Variants in PCDHA7 observed in about 807,000 individuals in gnomAD.
PCDHA7 encodes protocadherin alpha-7.
A neutral mutation model predicts 57.2 loss-of-function variants in PCDHA7; 37 were observed. That is an observed-to-expected ratio of 0.65 (90% confidence interval 0.50 to 0.85). The LOEUF (loss-of-function observed/expected upper bound fraction) is 0.85, where lower values mean the gene tolerates loss of function less well. Ranked by LOEUF, PCDHA7 falls within the 40% of genes least tolerant of loss-of-function variation. The pLI is 0.00. For missense variants in PCDHA7, 1,188 were observed against 1,241.8 expected (o/e 0.96, Z 0.65); for synonymous variants, 553 against 558.8 (o/e 0.99, Z 0.15).
intron 3 of PCDHA7, among the ~76,000 whole-genome samples, chr5:140,994,582 G>A (rs1179279862): frequency 6.6e-6 from 1 of 152,062 alleles, no homozygotes; most frequent in Non-Finnish European, 1.5e-5. Context: ...GCATGCACTT[G>A]TAGTCTCAGC....
rs1275632045 is a variant in PCDHA7 at position 140,835,862 on chromosome 5, G to C, written c.1479G>C (p.Ser493=). The change falls in exon 1 of 4, where the codon TCG becomes TCC. Residue 493 remains serine, a synonymous_variant. Coordinates refer to ENST00000525929, the MANE Select transcript of PCDHA7 (RefSeq NM_018910.3). ...DAQKNALVSY[S]LVELRVGERA... is the part of the protein sequence containing the mutation. ...AGAAGAACGCGCTGGTGTCCTACTC[G>C]CTGGTGGAGCTGCGGGTGGGCGAGC... The C allele has an allele frequency of 1.9e-6, 3 of 1,611,998 alleles. No individual in the cohort carries two copies. The highest frequency in any genetic ancestry group is 4.5e-5 in the East Asian group (2 of 44,840).
In PCDHA7 at chr5:140,855,851, G is replaced by A. The variant is rs971470534; in HGVS notation, c.2355+19113G>A. On this transcript the variant is annotated intron_variant, in intron 1 of 3. Transcript: ENST00000525929. Reference sequence around the variant, plus strand: ...AATCGTACTTACACCTAAAGCCACCGGATGTCGCTGTCGTCCACAAAATAG... The same window carrying A: ...AATCGTACTTACACCTAAAGCCACCAGATGTCGCTGTCGTCCACAAAATAG... 16 of 668,440 alleles carry A rather than the reference G, an allele frequency of 2.4e-5. No homozygotes were observed. The East Asian group carries it at 3.9e-4, about 16-fold the overall frequency. The allele number at this position is 668,440 out of a possible 1,614,324, so 41.4% of individuals were successfully genotyped here.
rs782277287 is a variant in PCDHA7 at position 140,929,397 on chromosome 5, T to C, written c.2356-49552T>C. 4.6e-6 allele frequency: 7 copies of C among 1,509,852 alleles called. No homozygotes were observed. In the South Asian group the frequency reaches 9.5e-5, roughly 21 times the overall value. The allele number at this position is 1,509,852 out of a possible 1,614,324, so 93.5% of individuals were successfully genotyped here. A position where few individuals can be genotyped will look rare whatever the true frequency, so the allele number is the denominator to read the frequency against. Reference sequence around the variant, plus strand: ...GCTAGCTGTGTTTTGAAATATTTCTTAGACAAGCCTTTCACAACATTTCAT... The same window carrying C: ...GCTAGCTGTGTTTTGAAATATTTCTCAGACAAGCCTTTCACAACATTTCAT... On this transcript the variant is annotated intron_variant, in intron 1 of 3. Transcript: ENST00000525929.
rs782421802 is a variant in PCDHA7, at chr5:140,862,804, C to T, written c.2355+26066C>T. The T allele has an allele frequency of 7.0e-6, 4 of 574,030 alleles. No individual in the cohort carries two copies. The African/African-American group carries it at 7.9e-5, about 11-fold the overall frequency. The allele number at this position is 574,030 out of a possible 1,614,324, so 35.6% of individuals were successfully genotyped here. On this transcript the variant is annotated intron_variant, in intron 1 of 3. Coordinates refer to ENST00000525929, the MANE Select transcript of PCDHA7 (RefSeq NM_018910.3). ...ACTGGACTACGAGGAGCTGGAGCTG[C>T]TGCAGTTCTAGGTGAGAGCGCGCGA...
chr5:140,857,944 G>C, intron 1 of PCDHA7: 1 of 1,597,474 alleles, frequency 6.3e-7, no homozygotes, highest in South Asian at 1.1e-5. Flanking sequence ...AGATCAGTAC[G>C]ACGCGCGCTC....
At chr5:140,868,100 AT>A (rs2050277597) in intron 1 of PCDHA7, 2 of 152,142 alleles carry the variant, frequency 1.3e-5, no homozygotes, top group South Asian at 4.1e-4. Context: ...TGATAATAAA[AT>A]TTATTTTATA....
intron 1 of PCDHA7, among the ~76,000 whole-genome samples, chr5:140,940,230 TA>T (rs2153645241): frequency 6.6e-6 from 1 of 152,330 alleles, no homozygotes; most frequent in Non-Finnish European, 1.5e-5. Flanking sequence ...TTCATTTTGG[TA>T]CATTAAAGTT....
rs782469778 is a variant in PCDHA7 at position 140,882,968 on chromosome 5, G to A, written c.2355+46230G>A. The A allele has an allele frequency of 3.7e-6, 6 of 1,614,028 alleles. No homozygotes were observed. The African/African-American group carries it at 8.0e-5, about 22-fold the overall frequency. ...AGTTCAGCTGCTCATCACGATTCTGGACGTGAATGACAACGCCCCGGAATT... is the reference window on the plus strand; with the variant it reads ...AGTTCAGCTGCTCATCACGATTCTGAACGTGAATGACAACGCCCCGGAATT... On this transcript the variant is annotated intron_variant, in intron 1 of 3. Transcript: ENST00000525929.
intron 1 of PCDHA7, among the ~76,000 whole-genome samples, chr5:140,937,708 C>G (rs535447052): frequency 6.6e-6 from 1 of 151,944 alleles, no homozygotes; most frequent in South Asian, 2.1e-4. Flanking sequence ...GTCAGGAGAT[C>G]AAGACCATCC....
intron 1 of PCDHA7, chr5:140,857,354 G>T (rs1449369579): frequency 6.3e-7 from 1 of 1,598,378 alleles, no homozygotes. Context: ...TCCGCTGTGG[G>T]CCACGGCCAG....
In PCDHA7 at chr5:140,834,566, G is replaced by T. The variant is rs149709586; in HGVS notation, c.183G>T (p.Pro61=). ...GGCTGGAGCTGGCGGAGCTGGTGCC[G>T]CGCCTGTTCCGGGCGGTGTGCAAAT... is the stretch of plus-strand genomic sequence containing the variant. ...DLGLELAELV[P]RLFRAVCKFR... The change falls in exon 1 of 4, where the codon CCG becomes CCT. Residue 61 remains proline, a synonymous_variant. Transcript: ENST00000525929. The T allele has an allele frequency of 1.5e-3, 2,437 of 1,614,096 alleles. 37 individuals carry two copies. In the African/African-American group the frequency reaches 0.029, roughly 19 times the overall value.
In PCDHA7 at chr5:140,848,792, C is replaced by T; in HGVS notation, c.2355+12054C>T. 3.8e-6 allele frequency: 6 copies of T among 1,592,840 alleles called. 1 individual carries two copies. Among genetic ancestry groups the T allele is most frequent in the Non-Finnish European group, 5.2e-6 (6 of 1,163,812 alleles). On this transcript the variant is annotated intron_variant, in intron 1 of 3. Coordinates refer to ENST00000525929, the MANE Select transcript of PCDHA7 (RefSeq NM_018910.3). ...ACCGCGAGGAGCTGTGCGGGCGGAG[C>T]GCGGAGTGCAGCATCCACCTGGAGG... is the stretch of plus-strand genomic sequence containing the variant.
chr5:140,927,192 G>T, intron 1 of PCDHA7: 4 of 1,614,154 alleles, frequency 2.5e-6, no homozygotes, highest in Non-Finnish European at 3.4e-6. Flanking sequence ...ACGACCTGGT[G>T]CTCGAGGACC....
chr5:141,002,059 G>A (rs983772482), intron 3 of PCDHA7, among the ~76,000 whole-genome samples: 1 of 152,242 alleles, frequency 6.6e-6, no homozygotes, highest in Non-Finnish European at 1.5e-5. Flanking sequence ...AGAGGCAGCA[G>A]CAGCCGCCAG....
Position 140,835,483 on chromosome 5 carries a change from C to G in PCDHA7, c.1100C>G (p.Thr367Ser). Residue 367 changes from threonine to serine, a missense_variant, in exon 1 of 4, where the codon ACC becomes AGC. Around this residue, in one of 3 missense-constraint regions of PCDHA7, gnomAD observed 892 missense variants for 788.5 expected, o/e 1.13. Coordinates refer to ENST00000525929, the MANE Select transcript of PCDHA7 (RefSeq NM_018910.3). ...LPIPEDAQPG[T>S]VITLISVFDR... ...ATTCCAGAGGACGCCCAACCAGGTACCGTCATCACATTGATTAGCGTGTTT... is the reference window on the plus strand; with the variant it reads ...ATTCCAGAGGACGCCCAACCAGGTAGCGTCATCACATTGATTAGCGTGTTT... The G allele has an allele frequency of 3.1e-6, 5 of 1,613,956 alleles. No individual in the cohort carries two copies. The highest frequency in any genetic ancestry group is 4.2e-6 in the Non-Finnish European group (5 of 1,179,884).
At chr5:140,993,667 C>T (rs2097576739) in intron 3 of PCDHA7, among the ~76,000 whole-genome samples, 1 of 152,052 alleles carries the variant, frequency 6.6e-6, no homozygotes, top group African/African-American at 2.4e-5. Context: ...AACAATGGAC[C>T]ACATATGTGA....
chr5:140,850,687 A>C lies in PCDHA7; in HGVS notation c.2355+13949A>C, dbSNP rs1159294242. The C allele has an allele frequency of 1.3e-5, 21 of 1,597,676 alleles. 1 individual carries two copies. The highest frequency in any genetic ancestry group is 3.4e-5 in the Admixed American group (2 of 59,228). ...TGCTCGGCGATGCCCACCGAGGGCG[A>C]GTGCGCGCCTGGCAAGCCGACGCTG... On this transcript the variant is annotated intron_variant, in intron 1 of 3. Transcript: ENST00000525929.
rs1486746921 is a variant in PCDHA7 at position 141,009,728 on chromosome 5, G to A, written c.2605G>A (p.Gly869Ser). Residue 869 changes from glycine (G) to serine (S), a missense_variant, in exon 4 of 4, where the codon GGT becomes AGT. Gly to Ser is a moderately conservative substitution (Grantham distance 56). Around this residue, in one of 3 missense-constraint regions of PCDHA7, gnomAD observed 892 missense variants for 788.5 expected, o/e 1.13. Coordinates refer to ENST00000525929, the MANE Select transcript of PCDHA7 (RefSeq NM_018910.3). The part of the protein sequence containing the change: ...GPGNPKQSGP[G>S]ELPDKFIIPG... ...AGGCAACCCCAAACAATCCGGTCCC[G>A]GTGAGTTGCCCGACAAATTCATTAT... The A allele has an allele frequency of 3.1e-6, 5 of 1,613,998 alleles. No homozygotes were observed. The highest frequency in any genetic ancestry group is 2.2e-5 in the East Asian group (1 of 44,874).
intron 1 of PCDHA7, among the ~76,000 whole-genome samples, chr5:140,896,631 C>A (rs1583239619): frequency 6.6e-6 from 1 of 152,014 alleles, no homozygotes; most frequent in East Asian, 1.9e-4. Context: ...CCTGCCTTGG[C>A]CTCCCAAAGT....
Sources: allele counts gnomAD v4.1 joint callset (sites outside exome capture counted in the v4.1 genomes callset), GRCh38; gene constraint gnomAD v4.1.1; regional missense constraint gnomAD v4.1.1; transcripts MANE v1.5; gene names NCBI Gene and HGNC (gene_info 2026-07-23, HGNC 2026-07-21).